DENND1A: variants seen among roughly 807,000 people sequenced by gnomAD.
DENND1A encodes the protein DENN domain containing 1A.
A neutral mutation model predicts 113.7 loss-of-function variants in DENND1A; 51 were observed. That is an observed-to-expected ratio of 0.45 (90% confidence interval 0.36 to 0.57). The LOEUF is 0.57. Ranked by LOEUF, DENND1A falls within the 20% of genes least tolerant of loss-of-function variation. The probability of loss-of-function intolerance (pLI) is 0.00; values close to 1 mark genes in which losing one functional copy is unlikely to be tolerated. For synonymous variants in DENND1A, 565 were observed against 570.8 expected, an observed-to-expected ratio of 0.99 and a Z score of 0.14; for missense variants, 1,258 against 1,395.9, an observed-to-expected ratio of 0.90 and a Z score of 1.57.
chr9:123,733,047 T>A (rs2068292185), intron 5 of DENND1A, among the ~76,000 whole-genome samples: 1 of 152,164 alleles, frequency 6.6e-6, no homozygotes, highest in Non-Finnish European at 1.5e-5. Context: ...AATGGCGCGA[T>A]CTCGGCTCAC....
At chr9:123,549,081 T>C (rs1474027994) in intron 13 of DENND1A, among the ~76,000 whole-genome samples, 2 of 152,216 alleles carry the variant, frequency 1.3e-5, no homozygotes, top group African/African-American at 2.4e-5. Flanking sequence ...ATGTATTTTT[T>C]ACATTTTTTT....
chr9:123,744,797 CAG>C (rs1468424946), intron 5 of DENND1A, among the ~76,000 whole-genome samples: 3 of 122,754 alleles, frequency 2.4e-5, no homozygotes, highest in South Asian at 2.5e-4. Context: ...TTTTTTGACA[CAG>C]AGTCTTGCTC....
intron 19 of DENND1A, among the ~76,000 whole-genome samples, chr9:123,417,444 A>AT (rs1171079609): frequency 1.3e-5 from 2 of 152,224 alleles, no homozygotes; most frequent in Non-Finnish European, 2.9e-5. Flanking sequence ...GAGAAGGATT[A>AT]TTTCCCTGTT....
intron 10 of DENND1A, among the ~76,000 whole-genome samples, chr9:123,617,028 T>C (rs2060686164): frequency 6.6e-6 from 1 of 152,174 alleles, no homozygotes; most frequent in Admixed American, 6.5e-5. Context: ...GAAAGGTGGG[T>C]CCCCATAATT....
chr9:123,416,484 C>T (rs1173983654), intron 19 of DENND1A, among the ~76,000 whole-genome samples: 3 of 152,212 alleles, frequency 2.0e-5, no homozygotes, highest in Admixed American at 6.5e-5. Flanking sequence ...AGCAGAGAAT[C>T]GAAGCAGTCT....
At chr9:123,856,799 T>C (rs1016407451) in intron 2 of DENND1A, among the ~76,000 whole-genome samples, 3 of 151,796 alleles carry the variant, frequency 2.0e-5, no homozygotes, top group Admixed American at 6.6e-5. Flanking sequence ...AAGGAAGACA[T>C]CCACACTGGG....
intron 19 of DENND1A, among the ~76,000 whole-genome samples, chr9:123,434,306 C>G (rs955490515): frequency 6.6e-6 from 1 of 152,228 alleles, no homozygotes; most frequent in Admixed American, 6.5e-5. Flanking sequence ...GGATTACAGG[C>G]GTGAGCCACC....
intron 12 of DENND1A, among the ~76,000 whole-genome samples, chr9:123,568,549 C>T (rs1278714283): frequency 1.3e-5 from 2 of 152,202 alleles, no homozygotes; most frequent in African/African-American, 2.4e-5. Context: ...TGAAATGTCA[C>T]TCATTATGCT....
intron 13 of DENND1A, among the ~76,000 whole-genome samples, chr9:123,514,563 G>A (rs2053739945): frequency 6.6e-6 from 1 of 152,130 alleles, no homozygotes; most frequent in African/African-American, 2.4e-5. Context: ...ACAGAAGCGT[G>A]GTTCCACACA....
At chr9:123,632,314 G>A (rs2061511806) in intron 9 of DENND1A, among the ~76,000 whole-genome samples, 1 of 152,040 alleles carries the variant, frequency 6.6e-6, no homozygotes, top group South Asian at 2.1e-4. Flanking sequence ...AAGGCTCGCA[G>A]GTTTAACCCA....
chr9:123,844,230 A>G (rs1478243732), intron 2 of DENND1A, among the ~76,000 whole-genome samples: 1 of 152,158 alleles, frequency 6.6e-6, no homozygotes, highest in African/African-American at 2.4e-5. Context: ...GTAATTAGGT[A>G]TGAAAAAGAA....
At chr9:123,728,952 C>G (rs2067955774) in intron 5 of DENND1A, among the ~76,000 whole-genome samples, 2 of 152,178 alleles carry the variant, frequency 1.3e-5, no homozygotes, top group Admixed American at 6.5e-5. Flanking sequence ...GGATGCAAGG[C>G]TGGTTCAACA....
intron 19 of DENND1A, among the ~76,000 whole-genome samples, chr9:123,424,225 C>A (rs2045539658): frequency 1.3e-5 from 2 of 152,148 alleles, no homozygotes; most frequent in South Asian, 4.1e-4. Context: ...GGGAGGGTGT[C>A]CATCAATCCT....
intron 1 of DENND1A, among the ~76,000 whole-genome samples, chr9:123,902,206 CAT>C (rs1327942874): frequency 2.2e-4 from 33 of 149,136 alleles, no homozygotes; most frequent in African/African-American, 5.8e-4. Context: ...CACACACACA[CAT>C]ACACACACAC....
intron 21 of DENND1A, among the ~76,000 whole-genome samples, chr9:123,402,262 ACG>A (rs1491165404): frequency 6.8e-6 from 1 of 147,084 alleles, no homozygotes; most frequent in Non-Finnish European, 1.5e-5. Context: ...ACACACACAC[ACG>A]CACGCACACA....
chr9:123,487,067 G>A (rs143648377), intron 13 of DENND1A, among the ~76,000 whole-genome samples: 1 of 152,302 alleles, frequency 6.6e-6, no homozygotes, highest in Non-Finnish European at 1.5e-5. Flanking sequence ...AAGGACCATA[G>A]AGGCCCCCAT....
intron 13 of DENND1A, among the ~76,000 whole-genome samples, chr9:123,459,676 T>C (rs1252234562): frequency 6.6e-6 from 1 of 152,220 alleles, no homozygotes; most frequent in Non-Finnish European, 1.5e-5. Flanking sequence ...CTTTCAGATC[T>C]TGAGCTGAAT....
rs143210396 is a variant in DENND1A, at chr9:123,445,096, C to G, written c.1357-4605G>C. On this transcript the variant is annotated intron_variant, in intron 18 of 23. Transcript: ENST00000394215. The stretch of plus-strand genomic sequence containing the variant: ...TGTTTACTGGAATCAGAAGCCATGA[C>G]TATGCTCTAACCTCCAGCCCTCTGA... Among the ~76,000 whole-genome samples, 505 of 152,332 alleles carry G rather than the reference C, an allele frequency of 3.3e-3. 1 individual carries two copies. Among genetic ancestry groups the G allele is most frequent in the African/African-American group, 0.011 (473 of 41,568 alleles).
At chr9:123,555,381 A>G (rs544241899) in intron 13 of DENND1A, among the ~76,000 whole-genome samples, 1 of 152,194 alleles carries the variant, frequency 6.6e-6, no homozygotes, top group Non-Finnish European at 1.5e-5. Context: ...GGCTCCGCCA[A>G]ATTTGGCTCT....
Sources: gnomAD v4.1 joint callset for allele counts (sites outside exome capture counted in the v4.1 genomes callset) on GRCh38, gnomAD v4.1.1 for gene constraint, MANE v1.5 for transcripts, NCBI Gene and HGNC (gene_info 2026-07-23, HGNC 2026-07-21) for gene names.